Variants in ARHGAP6 observed in about 807,000 individuals in gnomAD.
The protein encoded by ARHGAP6 is Rho GTPase activating protein 6, also known as rho GTPase-activating protein 6.
Under a neutral mutation model 55.7 loss-of-function variants are expected in ARHGAP6, and 16 were observed. That is an observed-to-expected ratio of 0.29 (90% CI 0.19 to 0.44). The LOEUF (loss-of-function observed/expected upper bound fraction) is 0.44. Ranked by LOEUF, ARHGAP6 falls within the 20% of genes least tolerant of loss-of-function variation. ARHGAP6 has a pLI of 1.00. For missense variants in ARHGAP6, 698 were observed against 808.9 expected (o/e 0.86, Z 1.66); for synonymous variants, 382 against 360.9 (o/e 1.06, Z -0.66).
chrX:11,588,127 C>T (rs1019829104), intron 1 of ARHGAP6, among the ~76,000 whole-genome samples: 1 of 112,119 alleles, frequency 8.9e-6, no homozygotes, highest in Non-Finnish European at 1.9e-5. Context: ...TACTCAGGTC[C>T]CAATCTCCTG....
chrX:11,450,478 CT>C (rs1251931089), intron 1 of ARHGAP6, among the ~76,000 whole-genome samples: 2 of 111,946 alleles, frequency 1.8e-5, no homozygotes, highest in African/African-American at 6.5e-5. Context: ...GCCTGCTGGG[CT>C]TCTGAGTCAT....
intron 1 of ARHGAP6, among the ~76,000 whole-genome samples, chrX:11,322,686 CAAT>C (rs2048449039): frequency 1.8e-5 from 2 of 112,110 alleles, no homozygotes; most frequent in African/African-American, 6.5e-5. Context: ...AAATTGTCCA[CAAT>C]GTTATATTCA....
intron 1 of ARHGAP6, among the ~76,000 whole-genome samples, chrX:11,585,638 T>C (rs942675263): frequency 1.8e-5 from 2 of 112,729 alleles, no homozygotes; most frequent in South Asian, 7.2e-4. Flanking sequence ...TGTTTTTTCT[T>C]GGAAATTTAA....
chrX:11,554,587 T>C (rs751096570), intron 1 of ARHGAP6, among the ~76,000 whole-genome samples: 63 of 112,093 alleles, frequency 5.6e-4, no homozygotes, highest in African/African-American at 2.0e-3. Flanking sequence ...TATGTGTCAA[T>C]TTTAAAAAAG....
rs1228557333 is a variant in ARHGAP6, at chrX:11,354,319, CTCTCTCTCTATATA to C, written c.589-99626_589-99613del. Among the ~76,000 whole-genome samples, 266 of 67,945 alleles carry C rather than the reference CTCTCTCTCTATATA, an allele frequency of 3.9e-3. 1 individual carries two copies. The highest frequency in any genetic ancestry group is 5.4e-3 in the Non-Finnish European group (201 of 37,205). 59.0% of individuals were successfully genotyped at this position (67,945 alleles called of 115,157 possible). ...TTTCTCTCTCTCTCTCTCTCTCTCT[CTCTCTCTCTATATA>C]TATATATATATATATATATATATGT... On this transcript the variant is annotated intron_variant, in intron 1 of 12. Transcript: ENST00000337414.
chrX:11,272,681 AG>A (rs1468279554), intron 1 of ARHGAP6, among the ~76,000 whole-genome samples: 1 of 111,184 alleles, frequency 9.0e-6, no homozygotes, highest in East Asian at 2.8e-4. Context: ...CTACCAATTA[AG>A]AGATTAAGTC....
intron 1 of ARHGAP6, among the ~76,000 whole-genome samples, chrX:11,404,999 T>C (rs1211248688): frequency 8.9e-6 from 1 of 112,203 alleles, no homozygotes; most frequent in Admixed American, 9.4e-5. Context: ...ATGAAGCAAA[T>C]GTCTGCAGGC....
intron 1 of ARHGAP6, among the ~76,000 whole-genome samples, chrX:11,460,716 T>C (rs1001168521): frequency 8.9e-6 from 1 of 112,086 alleles, no homozygotes; most frequent in Non-Finnish European, 1.9e-5. Context: ...TGCCTCCTCC[T>C]GCATTGTTTG....
intron 1 of ARHGAP6, among the ~76,000 whole-genome samples, chrX:11,643,526 G>A (rs1333933967): frequency 8.9e-6 from 1 of 111,858 alleles, no homozygotes; most frequent in Non-Finnish European, 1.9e-5. Context: ...ATGCAAAAGA[G>A]GATTTAAATT....
intron 1 of ARHGAP6, among the ~76,000 whole-genome samples, chrX:11,396,495 A>G (rs1370111881): frequency 3.6e-5 from 4 of 111,854 alleles, no homozygotes; most frequent in Non-Finnish European, 7.5e-5. Context: ...ATTATCTAAT[A>G]AAACCGTAGT....
chrX:11,246,689 T>C (rs776301402), intron 2 of ARHGAP6, among the ~76,000 whole-genome samples: 1 of 111,866 alleles, frequency 8.9e-6, no homozygotes, highest in African/African-American at 3.3e-5. Context: ...AGCTCCACAG[T>C]TCACAGAATA....
chrX:11,308,825 A>C (rs1196299119), intron 1 of ARHGAP6, among the ~76,000 whole-genome samples: 1 of 112,499 alleles, frequency 8.9e-6, no homozygotes, highest in African/African-American at 3.2e-5. Flanking sequence ...ATTGATTTTC[A>C]AATACTGAGA....
At chrX:11,360,458 C>G (rs1243903643) in intron 1 of ARHGAP6, among the ~76,000 whole-genome samples, 7 of 109,192 alleles carry the variant, frequency 6.4e-5, no homozygotes, top group South Asian at 4.0e-4. Flanking sequence ...ATTCAACAAC[C>G]CCTCATGCCA....
At chrX:11,158,181 CAA>C (rs2147289229) in intron 9 of ARHGAP6, among the ~76,000 whole-genome samples, 1 of 111,926 alleles carries the variant, frequency 8.9e-6, no homozygotes, top group African/African-American at 3.2e-5. Flanking sequence ...GTATCGTAGT[CAA>C]AGTCTATTGA....
At chrX:11,482,894 C>A (rs142648508) in intron 1 of ARHGAP6, among the ~76,000 whole-genome samples, 255 of 111,843 alleles carry the variant, frequency 2.3e-3, no homozygotes, top group Non-Finnish European at 3.9e-3. Flanking sequence ...GTCCCCAGTA[C>A]TTCTCTGTGG....
chrX:11,312,768 T>C (rs1183509079), intron 1 of ARHGAP6, among the ~76,000 whole-genome samples: 3 of 111,683 alleles, frequency 2.7e-5, no homozygotes, highest in Non-Finnish European at 5.6e-5. Flanking sequence ...AGTCATTTTC[T>C]TTATTCTCCT....
At chrX:11,551,447 C>A (rs2051265714) in intron 1 of ARHGAP6, among the ~76,000 whole-genome samples, 1 of 110,815 alleles carries the variant, frequency 9.0e-6, no homozygotes, top group South Asian at 3.8e-4. Flanking sequence ...ACCAGAGAAC[C>A]CATTATTAAC....
At chrX:11,421,641 C>T (rs2049825120) in intron 1 of ARHGAP6, among the ~76,000 whole-genome samples, 1 of 111,856 alleles carries the variant, frequency 8.9e-6, no homozygotes, top group Non-Finnish European at 1.9e-5. Flanking sequence ...ACCTCAGAGT[C>T]AGCTGAGGTG....
rs1556118656 is a variant in ARHGAP6, at chrX:11,590,862, A to AAAAGAAGG, written c.588+73371_588+73378dup. On this transcript the variant is annotated intron_variant, in intron 1 of 12. Coordinates refer to ENST00000337414, the MANE Select transcript of ARHGAP6 (RefSeq NM_013427.3). ...AAAAGAAAAGAAAAGAAAAGAAAAGAAAAGAAGGAAAGAAAGAAAGAAAGA... is the reference window on the plus strand; with the variant it reads ...AAAAGAAAAGAAAAGAAAAGAAAAGAAAAGAAGGAAAGAAGGAAAGAAAGAAAGAAAGA... Among the ~76,000 whole-genome samples the AAAAGAAGG allele has an allele frequency of 3.5e-4, 7 of 20,222 alleles. 1 individual carries two copies. Among genetic ancestry groups the AAAAGAAGG allele is most frequent in the South Asian group, 3.8e-3 (1 of 264 alleles). The allele number at this position is 20,222 out of a possible 115,157, so 17.6% of individuals were successfully genotyped here. A position where few individuals can be genotyped will look rare whatever the true frequency, so the allele number is the denominator to read the frequency against.
Sources: gnomAD v4.1 joint callset for allele counts (sites outside exome capture counted in the v4.1 genomes callset) on GRCh38, gnomAD v4.1.1 for gene constraint, MANE v1.5 for transcripts, NCBI Gene and HGNC (gene_info 2026-07-23, HGNC 2026-07-21) for gene names.